The following RBFOX3 variants were observed in gnomAD, a reference collection of about 807,000 sequenced individuals.
RBFOX3 encodes RNA binding fox-1 homolog 3, also known as RNA binding protein fox-1 homolog 3.
In RBFOX3, 17 loss-of-function variants were observed where a neutral mutation model predicts 48.7. That is an observed-to-expected ratio of 0.35 (90% confidence interval 0.24 to 0.52). RBFOX3 has a LOEUF of 0.52. RBFOX3 is among the 20% of genes least tolerant of loss of function. The probability of loss-of-function intolerance (pLI) is 0.94; values close to 1 mark genes in which losing one functional copy is unlikely to be tolerated. For synonymous variants in RBFOX3, 212 were observed against 209.5 expected, an observed-to-expected ratio of 1.01 and a Z score of -0.10; for missense variants, 382 against 497.5, an observed-to-expected ratio of 0.77 and a Z score of 2.21.
chr17:79,336,243 C>A (rs1326601002), intron 2 of RBFOX3, among the ~76,000 whole-genome samples: 1 of 151,848 alleles, frequency 6.6e-6, no homozygotes, highest in African/African-American at 2.4e-5. Flanking sequence ...AAAACTTAGC[C>A]GGGCATGGTG....
Position 79,504,301 on chromosome 17 carries a change from T to C in RBFOX3, c.-319-21703A>G, listed in dbSNP as rs2082781747. 3.9e-5 allele frequency among the ~76,000 whole-genome samples: 6 copies of C among 152,346 alleles called. No homozygotes were observed. The South Asian group carries it at 1.2e-3, about 32-fold the overall frequency. ...AGCTTCTCCCTCGCCGAGTCAGAGA[T>C]CGGCCATGGGACGCTTCCCTCCCAC... On this transcript the variant is annotated intron_variant, in intron 1 of 14. Coordinates refer to ENST00000693108, the MANE Select transcript of RBFOX3 (RefSeq NM_001350451.2).
At chr17:79,439,242 C>A (rs1310925026) in intron 2 of RBFOX3, among the ~76,000 whole-genome samples, 2 of 152,224 alleles carry the variant, frequency 1.3e-5, no homozygotes, top group Non-Finnish European at 2.9e-5. Context: ...GGAAGAGAGG[C>A]TGCTTGCAGA....
intron 3 of RBFOX3, among the ~76,000 whole-genome samples, chr17:79,287,241 C>T (rs1334135316): frequency 2.0e-5 from 3 of 152,210 alleles, no homozygotes; most frequent in Non-Finnish European, 4.4e-5. Context: ...TGCCTTACTG[C>T]TCCCAGGTGC....
chr17:79,350,793 T>G (rs2083779293), intron 2 of RBFOX3, among the ~76,000 whole-genome samples: 1 of 152,174 alleles, frequency 6.6e-6, no homozygotes, highest in Non-Finnish European at 1.5e-5. Context: ...CAGGGTGGCG[T>G]GAGCTGGCAT....
At chr17:79,247,981 T>C (rs1317850436) in intron 3 of RBFOX3, among the ~76,000 whole-genome samples, 1 of 151,530 alleles carries the variant, frequency 6.6e-6, no homozygotes, top group Non-Finnish European at 1.5e-5. Flanking sequence ...GAGCCACCCT[T>C]AGCACAGTGC....
At chr17:79,308,260 C>T (rs748782915) in intron 2 of RBFOX3, among the ~76,000 whole-genome samples, 13 of 152,212 alleles carry the variant, frequency 8.5e-5, no homozygotes, top group Non-Finnish European at 1.3e-4. Context: ...AGCTCCTGGG[C>T]GCTGGGCTGC....
chr17:79,143,333 G>A (rs2042295814), intron 4 of RBFOX3, among the ~76,000 whole-genome samples: 1 of 146,820 alleles, frequency 6.8e-6, no homozygotes, highest in Non-Finnish European at 1.5e-5. Flanking sequence ...TGGATATTCT[G>A]GGGACAGTTC....
intron 1 of RBFOX3, among the ~76,000 whole-genome samples, chr17:79,608,392 C>T (rs1599283586): frequency 6.6e-6 from 1 of 152,216 alleles, no homozygotes; most frequent in Non-Finnish European, 1.5e-5. Flanking sequence ...ACCCGAGGTC[C>T]CCGGGGTGGG....
At chr17:79,611,052 G>A (rs2093958621), upstream of RBFOX3, among the ~76,000 whole-genome samples, 1 of 150,294 alleles carries the variant, frequency 6.7e-6, no homozygotes, top group Admixed American at 6.6e-5. Context: ...AGGTTCTGCT[G>A]GCTTCGGAGC....
intron 2 of RBFOX3, 148 bp from the exon 3 acceptor site, chr17:79,307,972 C>G (rs906400147): frequency 2.0e-5 from 3 of 153,252 alleles, no homozygotes; most frequent in Non-Finnish European, 4.4e-5. Context: ...ACGATACAAA[C>G]AGGAATGCGT....
At chr17:79,257,429 G>A (rs570656904) in intron 3 of RBFOX3, among the ~76,000 whole-genome samples, 43 of 152,348 alleles carry the variant, frequency 2.8e-4, no homozygotes, top group African/African-American at 1.0e-3. Context: ...GCCCTGAGGA[G>A]TCTGCTGCCA....
At chr17:79,368,310 T>G (rs1598406758) in intron 2 of RBFOX3, among the ~76,000 whole-genome samples, 1 of 152,062 alleles carries the variant, frequency 6.6e-6, no homozygotes, top group Non-Finnish European at 1.5e-5. Flanking sequence ...GACCTCCCCC[T>G]CCACCAGCCT....
intron 2 of RBFOX3, among the ~76,000 whole-genome samples, chr17:79,457,909 T>C (rs884023): frequency 0.55 from 84,216 of 152,188 alleles, 23,584 homozygotes; most frequent in Middle Eastern, 0.61. Flanking sequence ...TGGCAGTCAA[T>C]GGATTCCTCC....
In RBFOX3 at chr17:79,243,203, C is replaced by G. The variant is rs370136103; in HGVS notation, c.-73-7398G>C. Among the ~76,000 whole-genome samples the G allele has an allele frequency of 1.1e-3, 1 of 936 alleles. No individual in the cohort carries two copies. 0.6% of individuals were successfully genotyped at this position (936 alleles called of 152,430 possible). ...GGTAGCGGTTGCAGCTGAGTTTGCG[C>G]GAGACCCACCTGACCACAACCTTGT... On this transcript the variant is annotated intron_variant, in intron 3 of 14. Coordinates refer to ENST00000693108, the MANE Select transcript of RBFOX3 (RefSeq NM_001350451.2). This position sits in a 1 kb window ranked among gnomAD's most constrained non-coding sequence, Gnocchi z 7.9.
At chr17:79,332,252 G>C (rs1408951663) in intron 2 of RBFOX3, among the ~76,000 whole-genome samples, 1 of 152,220 alleles carries the variant, frequency 6.6e-6, no homozygotes, top group Non-Finnish European at 1.5e-5. Flanking sequence ...CTCAGGACTG[G>C]AATTTGAGCC....
chr17:79,109,182 C>T (rs374773100), intron 5 of RBFOX3, among the ~76,000 whole-genome samples: 33 of 152,324 alleles, frequency 2.2e-4, no homozygotes, highest in African/African-American at 7.2e-4. Context: ...TCATGGCTCT[C>T]GGAGGGCATG....
At chr17:79,483,723 G>A (rs1177761412) in intron 1 of RBFOX3, among the ~76,000 whole-genome samples, 1 of 151,844 alleles carries the variant, frequency 6.6e-6, no homozygotes, top group Non-Finnish European at 1.5e-5. Context: ...AATCCCCAGT[G>A]CCCAGGATGT....
chr17:79,148,745 G>A (rs1431341149), intron 4 of RBFOX3, among the ~76,000 whole-genome samples: 1 of 152,240 alleles, frequency 6.6e-6, no homozygotes, highest in Non-Finnish European at 1.5e-5. Context: ...AGGCCACAGA[G>A]TCTGAGGACG....
intron 4 of RBFOX3, among the ~76,000 whole-genome samples, chr17:79,186,985 G>A (rs1421055146): frequency 6.6e-6 from 1 of 152,226 alleles, no homozygotes; most frequent in Non-Finnish European, 1.5e-5. Context: ...GGAAATTCTG[G>A]CCCACGTAAC....
Sources: gnomAD v4.1 joint callset for allele counts (sites outside exome capture counted in the v4.1 genomes callset) on GRCh38, gnomAD v4.1.1 for gene constraint, Gnocchi (gnomAD v3.1) non-coding constraint, MANE v1.5 for transcripts, NCBI Gene and HGNC (gene_info 2026-07-23, HGNC 2026-07-21) for gene names.